ATP2B2: variants seen among roughly 807,000 people sequenced by gnomAD.
ATP2B2 encodes ATPase plasma membrane Ca2+ transporting 2, also known as plasma membrane calcium-transporting ATPase 2.
A neutral mutation model predicts 120.0 loss-of-function variants in ATP2B2; 15 were observed. The ratio of observed to expected loss-of-function variants is 0.12; its 90% CI spans 0.08 to 0.19. The LOEUF (loss-of-function observed/expected upper bound fraction) is 0.19, where lower values mean the gene tolerates loss of function less well. ATP2B2 is among the 10% of genes least tolerant of loss of function. ATP2B2 has a pLI of 1.00. For synonymous variants in ATP2B2, 694 were observed against 700.3 expected (o/e 0.99, Z 0.14); for missense variants, 1,045 against 1,719.8 (o/e 0.61, Z 6.94).
rs1459926801 is a variant in ATP2B2, at chr3:10,449,402, CCTT to C, written c.139_141del (p.Lys47del). 6.2e-7 allele frequency: 1 copy of C among 1,614,234 alleles called. No homozygotes were observed. Among genetic ancestry groups the C allele is most frequent in the Non-Finnish European group, 8.5e-7 (1 of 1,180,038 alleles). On this transcript the variant is annotated inframe_deletion, in exon 2 of 23. Coordinates refer to ENST00000360273, the MANE Select transcript of ATP2B2 (RefSeq NM_001001331.4). ...ATGGCTTCGGTGTCCCCATAAGTCT[CCTT>C]GATCTTGACCACAGCCTCAGTGCCC...
intron 11 of ATP2B2, among the ~76,000 whole-genome samples, chr3:10,374,789 A>G (rs773645639): frequency 2.0e-5 from 3 of 152,204 alleles, no homozygotes; most frequent in Non-Finnish European, 2.9e-5. Context: ...CTTCCCCGGA[A>G]AACATTCATG....
intron 2 of ATP2B2, among the ~76,000 whole-genome samples, chr3:10,591,495 C>A (rs1465546342): frequency 6.6e-6 from 1 of 152,200 alleles, no homozygotes; most frequent in Admixed American, 6.5e-5. Flanking sequence ...CTCTCTCCCC[C>A]TCAAATCACC....
At chr3:10,699,840 C>G (rs2071790790) in intron 1 of ATP2B2, among the ~76,000 whole-genome samples, 1 of 152,118 alleles carries the variant, frequency 6.6e-6, no homozygotes, top group Admixed American at 6.5e-5. Flanking sequence ...TTCACGCTTG[C>G]CTTTCCACCT....
At chr3:10,567,556 C>T (rs2068036081) in intron 2 of ATP2B2, among the ~76,000 whole-genome samples, 1 of 152,144 alleles carries the variant, frequency 6.6e-6, no homozygotes, top group Non-Finnish European at 1.5e-5. Context: ...TCTCAGTTTC[C>T]TCTTCTGAAA....
At chr3:10,566,853 T>C (rs1292315518) in intron 2 of ATP2B2, among the ~76,000 whole-genome samples, 1 of 152,224 alleles carries the variant, frequency 6.6e-6, no homozygotes, top group African/African-American at 2.4e-5. Context: ...GATTGTCTAA[T>C]TCCTGGAAAT....
intron 1 of ATP2B2, 99 bp from the exon 2 acceptor site, chr3:10,449,961 A>C: frequency 3.0e-6 from 1 of 334,316 alleles, no homozygotes; most frequent in Non-Finnish European, 5.8e-6. Flanking sequence ...AGCAACCTAA[A>C]CAACACTGAC....
At chr3:10,703,012 T>C (rs1575635355) in intron 1 of ATP2B2, among the ~76,000 whole-genome samples, 1 of 152,204 alleles carries the variant, frequency 6.6e-6, no homozygotes, top group Non-Finnish European at 1.5e-5. Flanking sequence ...CCTCTCCTTA[T>C]GGCCCTGTGA....
intron 1 of ATP2B2, among the ~76,000 whole-genome samples, chr3:10,656,652 G>A (rs569434100): frequency 6.6e-6 from 1 of 152,332 alleles, no homozygotes; most frequent in East Asian, 1.9e-4. Context: ...TAAGGTCCCT[G>A]ACCTCACACA....
At chr3:10,567,312 AG>A (rs764987171) in intron 2 of ATP2B2, among the ~76,000 whole-genome samples, 4 of 152,234 alleles carry the variant, frequency 2.6e-5, no homozygotes, top group Non-Finnish European at 5.9e-5. Context: ...CTATGACCTC[AG>A]GGAATTCTGC....
chr3:10,682,408 C>A (rs1197455582), intron 1 of ATP2B2, among the ~76,000 whole-genome samples: 1 of 152,224 alleles, frequency 6.6e-6, no homozygotes, highest in Non-Finnish European at 1.5e-5. Context: ...ACCCCCAGCT[C>A]CTTCATGCAC....
chr3:10,434,741 C>G (rs1030679170), intron 2 of ATP2B2, among the ~76,000 whole-genome samples: 2 of 152,278 alleles, frequency 1.3e-5, no homozygotes, highest in African/African-American at 4.8e-5. Flanking sequence ...ACCCCTGGGT[C>G]TGGGACTTTT....
At chr3:10,607,903 T>A (rs943332683) in intron 2 of ATP2B2, among the ~76,000 whole-genome samples, 2 of 152,110 alleles carry the variant, frequency 1.3e-5, no homozygotes, top group Non-Finnish European at 2.9e-5. Context: ...CGAAGTCAGG[T>A]CCCAGTGTGA....
chr3:10,413,138 C>T (rs1486451050), intron 2 of ATP2B2, among the ~76,000 whole-genome samples: 2 of 152,180 alleles, frequency 1.3e-5, no homozygotes, highest in Non-Finnish European at 2.9e-5. Flanking sequence ...CCACTGTGGG[C>T]CTAGCCTGGT....
chr3:10,633,015 CT>C (rs2069912117), intron 1 of ATP2B2, among the ~76,000 whole-genome samples: 1 of 152,240 alleles, frequency 6.6e-6, no homozygotes, highest in Non-Finnish European at 1.5e-5. Context: ...GACAGCCTTG[CT>C]GAGCCAGGGC....
intron 14 of ATP2B2, among the ~76,000 whole-genome samples, chr3:10,352,465 C>A (rs559239163): frequency 1.3e-5 from 2 of 152,234 alleles, no homozygotes; most frequent in East Asian, 3.8e-4. Flanking sequence ...AGTAAGGAGG[C>A]CTCTCTAGCT....
In ATP2B2 at chr3:10,365,390, A is replaced by G. The variant is rs144268016; in HGVS notation, c.1660-5267T>C. ...GAAATTTTGGCAGAACTTGGTTCCC[A>G]GAATCATCCTCTAAAGGCCTGGCTT... On this transcript the variant is annotated intron_variant, in intron 12 of 22. Coordinates refer to ENST00000360273, the MANE Select transcript of ATP2B2 (RefSeq NM_001001331.4). Among the ~76,000 whole-genome samples the G allele has an allele frequency of 6.5e-3, 989 of 152,376 alleles. 14 individuals are homozygous for G. The highest frequency in any genetic ancestry group is 0.023 in the African/African-American group (937 of 41,592).
chr3:10,646,949 A>G (rs2070337276), intron 1 of ATP2B2, among the ~76,000 whole-genome samples: 1 of 152,200 alleles, frequency 6.6e-6, no homozygotes, highest in Non-Finnish European at 1.5e-5. Flanking sequence ...GCGCCCTGCA[A>G]GTGCACAGCA....
intron 2 of ATP2B2, among the ~76,000 whole-genome samples, chr3:10,560,073 C>T (rs1433829343): frequency 1.3e-5 from 2 of 152,230 alleles, no homozygotes; most frequent in Non-Finnish European, 2.9e-5. Flanking sequence ...GGCCCAGACC[C>T]TTTCAAATCT....
At chr3:10,338,133 G>A (rs201632066) in intron 22 of ATP2B2, 43 bp downstream of exon 22, 291 of 1,611,432 alleles carry the variant, frequency 1.8e-4, no homozygotes, top group Admixed American at 3.7e-4. Context: ...CCCCTGGCCC[G>A]CCCCGGCCAG....
Sources: gnomAD v4.1 joint callset for allele counts (sites outside exome capture counted in the v4.1 genomes callset) on GRCh38, gnomAD v4.1.1 for gene constraint, MANE v1.5 for transcripts, NCBI Gene and HGNC (gene_info 2026-07-23, HGNC 2026-07-21) for gene names.